RPS6KA2: variants seen among roughly 807,000 people sequenced by gnomAD.
The protein encoded by RPS6KA2 is ribosomal protein S6 kinase alpha-2.
Under a neutral mutation model 91.8 loss-of-function variants are expected in RPS6KA2, and 42 were observed. That is an observed-to-expected ratio of 0.46 (90% CI 0.36 to 0.59). RPS6KA2 has a LOEUF of 0.59. Ranked by LOEUF, RPS6KA2 falls within the 20% of genes least tolerant of loss-of-function variation. The pLI is 0.00. For synonymous variants in RPS6KA2, 414 were observed against 393.6 expected, an observed-to-expected ratio of 1.05 and a Z score of -0.61; for missense variants, 798 against 978.5, an observed-to-expected ratio of 0.82 and a Z score of 2.46.
At chr6:166,467,227 CTCCCTCCT>C (rs150108362) in intron 11 of RPS6KA2, among the ~76,000 whole-genome samples, 6 of 120,054 alleles carry the variant, frequency 5.0e-5, no homozygotes, top group Admixed American at 1.7e-4. Flanking sequence ...CACTCATTCA[CTCCCTCCT>C]TCCCTCACTC....
intron 2 of RPS6KA2, among the ~76,000 whole-genome samples, chr6:166,854,133 G>A (rs9356527): frequency 0.85 from 129,854 of 152,198 alleles, 56,621 homozygotes; most frequent in East Asian, 0.96. Flanking sequence ...GTGAATTTAT[G>A]ACACAAACTC....
chr6:166,778,752 G>C (rs1778690380), intron 2 of RPS6KA2, among the ~76,000 whole-genome samples: 1 of 152,196 alleles, frequency 6.6e-6, no homozygotes, highest in Non-Finnish European at 1.5e-5. Flanking sequence ...GGTGACAAGA[G>C]TGAAACTCTA....
At chr6:166,847,741 C>A (rs561043613) in intron 2 of RPS6KA2, among the ~76,000 whole-genome samples, 2 of 152,240 alleles carry the variant, frequency 1.3e-5, no homozygotes, top group South Asian at 4.1e-4. Context: ...TCATCTCTCA[C>A]CTTATATAAA....
intron 5 of RPS6KA2, among the ~76,000 whole-genome samples, chr6:166,505,371 C>G (rs1782168788): frequency 6.6e-6 from 1 of 152,164 alleles, no homozygotes; most frequent in Non-Finnish European, 1.5e-5. Context: ...CCAACAGACT[C>G]CAAAGCCATC....
rs1357254737 is a variant in RPS6KA2, at chr6:166,613,838, C to CCACGGCCTTCAGGACACAGTCGGGCTTTT, written c.99+13082_99+13083insAAAAGCCCGACTGTGTCCTGAAGGCCGTG. On this transcript the variant is annotated intron_variant, in intron 1 of 20. Coordinates refer to ENST00000265678, the MANE Select transcript of RPS6KA2 (RefSeq NM_021135.6). ...GGCCTTCAGGACACAGTCGGGCTTT[C>CCACGGCCTTCAGGACACAGTCGGGCTTTT]CACGGCCTTCAGGACACAGTCGGGC... 1.2e-4 allele frequency among the ~76,000 whole-genome samples: 18 copies of CCACGGCCTTCAGGACACAGTCGGGCTTTT among 148,476 alleles called. No individual in the cohort carries two copies. In the East Asian group the frequency reaches 1.4e-3, roughly 11 times the overall value.
rs1780411597 is a variant in RPS6KA2, at chr6:166,839,685, GAGGA to G, written c.123+18511_123+18514del. Among the ~76,000 whole-genome samples the G allele has an allele frequency of 5.8e-5, 4 of 69,206 alleles. 1 individual carries two copies. Among genetic ancestry groups the G allele is most frequent in the African/African-American group, 5.5e-5 (1 of 18,330 alleles). The allele number at this position is 69,206 out of a possible 152,430, so 45.4% of individuals were successfully genotyped here. On this transcript the variant is annotated intron_variant, in intron 2 of 21. Coordinates refer to the RPS6KA2 transcript ENST00000503859. ...GAGGGAGGTGGAAATCAGAGCAGGA[GAGGA>G]GAGGGGAGGAGAGGAGAGGAGAGGA...
chr6:166,747,496 G>A (rs569039235), intron 2 of RPS6KA2, among the ~76,000 whole-genome samples: 3 of 152,182 alleles, frequency 2.0e-5, no homozygotes, highest in East Asian at 1.9e-4. Flanking sequence ...AATGCACATC[G>A]CATGTCTTAG....
intron 2 of RPS6KA2, among the ~76,000 whole-genome samples, chr6:166,818,814 C>T (rs377663432): frequency 6.6e-6 from 1 of 152,046 alleles, no homozygotes; most frequent in South Asian, 2.1e-4. Context: ...GAACCAACGA[C>T]TGTGTCCTCT....
chr6:166,722,754 C>G (rs774178168), intron 2 of RPS6KA2, among the ~76,000 whole-genome samples: 3 of 152,248 alleles, frequency 2.0e-5, no homozygotes, highest in Admixed American at 6.5e-5. Context: ...GAAGCAAATG[C>G]CTCCCTTTTT....
Position 166,494,503 on chromosome 6 carries a change from C to T in RPS6KA2, c.748-3762G>A, listed in dbSNP as rs115611502. Among the ~76,000 whole-genome samples, 283 of 152,294 alleles carry T rather than the reference C, an allele frequency of 1.9e-3. No individual in the cohort carries two copies. The highest frequency in any genetic ancestry group is 6.4e-3 in the African/African-American group (266 of 41,564). ...ACGGGAGAAGGATAAAGTGGTCTCA[C>T]GAAACCAGAGTGCTCAAGAGATGCT... On this transcript the variant is annotated intron_variant, in intron 8 of 20. Coordinates refer to ENST00000265678, the MANE Select transcript of RPS6KA2 (RefSeq NM_021135.6). The surrounding 1 kb of genome is among the most constrained non-coding windows in gnomAD (Gnocchi z 5.1).
At chr6:166,776,004 G>A (rs866731211) in intron 2 of RPS6KA2, among the ~76,000 whole-genome samples, 1 of 152,246 alleles carries the variant, frequency 6.6e-6, no homozygotes, top group South Asian at 2.1e-4. Flanking sequence ...TGATCACTGG[G>A]AAGGGTGGTT....
intron 2 of RPS6KA2, among the ~76,000 whole-genome samples, chr6:166,782,700 G>A (rs11759767): frequency 0.13 from 20,187 of 152,178 alleles, 1,455 homozygotes; most frequent in Middle Eastern, 0.18. Context: ...GGGAGGGAGC[G>A]GATGGCCAGG....
At chr6:166,753,276 G>A (rs1450488653) in intron 2 of RPS6KA2, among the ~76,000 whole-genome samples, 2 of 152,114 alleles carry the variant, frequency 1.3e-5, no homozygotes, top group African/African-American at 2.4e-5. Context: ...ACAAGGAGAC[G>A]CCACCTCTGC....
chr6:166,779,839 G>C (rs568429052), intron 2 of RPS6KA2, among the ~76,000 whole-genome samples: 16 of 152,264 alleles, frequency 1.1e-4, no homozygotes, highest in Middle Eastern at 3.4e-3. Context: ...GGCTAGCGTT[G>C]CCGACGGCTG....
In RPS6KA2 at chr6:166,490,802, G is replaced by T; in HGVS notation, c.748-61C>A. 7.6e-7 allele frequency: 1 copy of T among 1,309,918 alleles called. No individual in the cohort carries two copies. The highest frequency in any genetic ancestry group is 1.1e-6 in the Non-Finnish European group (1 of 916,902). The allele number at this position is 1,309,918 out of a possible 1,614,324, so 81.1% of individuals were successfully genotyped here. ...TCCAGATGGACCCGGCTTCACGGCA[G>T]AGTACCCCAGCAGGGCAGCCTGCTA... On this transcript the variant is annotated intron_variant, in intron 8 of 20. Transcript: ENST00000265678. This position sits in a 1 kb window ranked among gnomAD's most constrained non-coding sequence, Gnocchi z 4.2.
chr6:166,432,344 T>G, intron 15 of RPS6KA2, 57 bp downstream of exon 15: 1 of 1,157,960 alleles, frequency 8.6e-7, no homozygotes, highest in Non-Finnish European at 1.3e-6. Flanking sequence ...ATGGGAGTTT[T>G]GTGTCAGTTG....
intron 2 of RPS6KA2, among the ~76,000 whole-genome samples, chr6:166,695,508 TATGTCTGTTAGACTGGG>T (rs1789330080): frequency 6.6e-6 from 1 of 152,212 alleles, no homozygotes; most frequent in African/African-American, 2.4e-5. Flanking sequence ...TTTTTCTGAT[TATGTCTGTTAGACTGGG>T]TTCCCAATCC....
rs74300218 is a variant in RPS6KA2 at position 166,546,955 on chromosome 6, T to C, written c.100-8171A>G. On this transcript the variant is annotated intron_variant, in intron 1 of 20. Coordinates refer to ENST00000265678, the MANE Select transcript of RPS6KA2 (RefSeq NM_021135.6). ...TCTCACACAAAGTTAGTTTCTTTTCTTTTTTTTCTTTGAGACAGGGTCTTA... is the reference window on the plus strand; with the variant it reads ...TCTCACACAAAGTTAGTTTCTTTTCCTTTTTTTCTTTGAGACAGGGTCTTA... Among the ~76,000 whole-genome samples the C allele has an allele frequency of 2.0e-5, 3 of 152,144 alleles. No homozygotes were observed. The East Asian group carries it at 5.8e-4, about 29-fold the overall frequency.
chr6:166,512,834 G>C (rs551628858), intron 3 of RPS6KA2, among the ~76,000 whole-genome samples: 1 of 152,316 alleles, frequency 6.6e-6, no homozygotes, highest in East Asian at 1.9e-4. Flanking sequence ...GCCGCTTCAG[G>C]TGTCATTGCA....
Sources: gnomAD v4.1 joint callset for allele counts (sites outside exome capture counted in the v4.1 genomes callset) on GRCh38, gnomAD v4.1.1 for gene constraint, Gnocchi (gnomAD v3.1) non-coding constraint, MANE v1.5 for transcripts, NCBI Gene and HGNC (gene_info 2026-07-23, HGNC 2026-07-21) for gene names.